The following DAB1 variants were observed in gnomAD, a reference collection of about 807,000 sequenced individuals.
The protein encoded by DAB1 is disabled homolog 1.
Under a neutral mutation model 64.6 loss-of-function variants are expected in DAB1, and 15 were observed. The ratio of observed to expected loss-of-function variants is 0.23; its 90% CI spans 0.16 to 0.36. The LOEUF (loss-of-function observed/expected upper bound fraction) is 0.36, where lower values mean the gene tolerates loss of function less well. Among genes scored for constraint, DAB1 ranks in the 10% least tolerant of loss-of-function variants. The pLI is 1.00. For missense variants in DAB1, 596 were observed against 706.7 expected (o/e 0.84, Z 1.78); for synonymous variants, 235 against 251.9 (o/e 0.93, Z 0.64).
chr1:58,501,698 T>G (rs998588273), intron 3 of DAB1, among the ~76,000 whole-genome samples: 4 of 152,170 alleles, frequency 2.6e-5, no homozygotes, highest in Admixed American at 1.3e-4. Flanking sequence ...TACACTGCTA[T>G]TCCTGCACCC....
chr1:57,271,577 C>A (rs1240707349), intron 2 of DAB1, among the ~76,000 whole-genome samples: 2 of 152,118 alleles, frequency 1.3e-5, no homozygotes, highest in Non-Finnish European at 2.9e-5. Context: ...CCATCCCTGC[C>A]CTCAGGGGAC....
intron 5 of DAB1, among the ~76,000 whole-genome samples, chr1:57,891,392 G>T (rs766698510): frequency 2.6e-5 from 4 of 152,160 alleles, no homozygotes; most frequent in Admixed American, 6.5e-5. Flanking sequence ...AAATAGGAAC[G>T]CTTTCACACT....
chr1:57,106,132 G>T (rs1655114898), intron 4 of DAB1, among the ~76,000 whole-genome samples: 1 of 152,114 alleles, frequency 6.6e-6, no homozygotes, highest in African/African-American at 2.4e-5. Context: ...TTTCTCTTAG[G>T]CAACGATAAT....
rs369371253 is a variant in DAB1 at position 57,104,341 on chromosome 1, GA to G, written c.307-31928del. 4.0e-3 allele frequency among the ~76,000 whole-genome samples: 581 copies of G among 145,264 alleles called. 1 individual carries two copies. The highest frequency in any genetic ancestry group is 0.014 in the Middle Eastern group (4 of 284). ...CCACGTCTTGGTTGATGATGAATTG[GA>G]AAAAAAAAAACTAGTCCTTCACCAC... On this transcript the variant is annotated intron_variant, in intron 4 of 14. Coordinates refer to ENST00000371236, the MANE Select transcript of DAB1 (RefSeq NM_001365792.1).
chr1:57,203,875 A>G (rs1201366794), intron 2 of DAB1, among the ~76,000 whole-genome samples: 1 of 152,018 alleles, frequency 6.6e-6, no homozygotes, highest in Non-Finnish European at 1.5e-5. Context: ...TTCTTAGTGT[A>G]GTGTTTTTTG....
intron 6 of DAB1, among the ~76,000 whole-genome samples, chr1:57,773,346 C>A (rs1302396979): frequency 7.3e-6 from 1 of 137,124 alleles, no homozygotes; most frequent in Non-Finnish European, 1.5e-5. Context: ...GAGTTGTATA[C>A]ACACACACAC....
At chr1:57,652,703 T>G (rs2101657168) in intron 6 of DAB1, among the ~76,000 whole-genome samples, 1 of 152,234 alleles carries the variant, frequency 6.6e-6, no homozygotes, top group East Asian at 1.9e-4. Flanking sequence ...ATTTGTAAAT[T>G]TTGATCTTTT....
At chr1:57,025,660 C>A (rs1324840707) in intron 10 of DAB1, among the ~76,000 whole-genome samples, 1 of 152,186 alleles carries the variant, frequency 6.6e-6, no homozygotes, top group Non-Finnish European at 1.5e-5. Context: ...CCCTTGTAGT[C>A]AGGAAGCACA....
intron 5 of DAB1, among the ~76,000 whole-genome samples, chr1:57,971,319 T>G (rs3991048): frequency 0.31 from 46,628 of 152,192 alleles, 8,732 homozygotes; most frequent in Admixed American, 0.43. Flanking sequence ...TGAGCTGAAA[T>G]GGGCAGACTT....
intron 5 of DAB1, among the ~76,000 whole-genome samples, chr1:58,126,608 TA>T (rs1356328390): frequency 2.2e-4 from 8 of 36,886 alleles, no homozygotes; most frequent in African/African-American, 4.0e-4. Flanking sequence ...CCTCCCCCCC[TA>T]CCCCCCACCC....
intron 4 of DAB1, among the ~76,000 whole-genome samples, chr1:57,092,971 G>GA (rs1324854210): frequency 6.6e-6 from 1 of 152,142 alleles, no homozygotes; most frequent in African/African-American, 2.4e-5. Context: ...TTGAGAAGGC[G>GA]ATGGAAGAGG....
At chr1:57,890,460 T>TC (rs1390072081) in intron 5 of DAB1, among the ~76,000 whole-genome samples, 8 of 150,858 alleles carry the variant, frequency 5.3e-5, no homozygotes, top group African/African-American at 1.7e-4. Context: ...TCTTTTCTTT[T>TC]TTTTTTTTTT....
chr1:58,513,600 A>T (rs1458033865), intron 2 of DAB1, among the ~76,000 whole-genome samples: 3 of 152,216 alleles, frequency 2.0e-5, no homozygotes, highest in Non-Finnish European at 1.5e-5. Context: ...CTTTGGTCCT[A>T]GAATATTTTT....
intron 7 of DAB1, among the ~76,000 whole-genome samples, chr1:57,493,062 C>T (rs1435395607): frequency 1.3e-5 from 2 of 152,020 alleles, no homozygotes; most frequent in East Asian, 3.9e-4. Flanking sequence ...CATAGCAGCC[C>T]GCCTCCCCCA....
chr1:57,694,733 A>G (rs1646803790), intron 6 of DAB1, among the ~76,000 whole-genome samples: 1 of 152,150 alleles, frequency 6.6e-6, no homozygotes, highest in Non-Finnish European at 1.5e-5. Context: ...TTCCGTAAGT[A>G]TCAGAAAGGT....
intron 6 of DAB1, among the ~76,000 whole-genome samples, chr1:57,665,625 T>G (rs989239421): frequency 6.6e-6 from 1 of 152,152 alleles, no homozygotes; most frequent in African/African-American, 2.4e-5. Flanking sequence ...GGGGAGATAG[T>G]GACATTTTCA....
At chr1:57,039,066 G>T (rs1418303292) in intron 9 of DAB1, among the ~76,000 whole-genome samples, 1 of 152,212 alleles carries the variant, frequency 6.6e-6, no homozygotes, top group African/African-American at 2.4e-5. Context: ...TTTAAAGTGA[G>T]AAATGTGATG....
chr1:57,033,503 G>A, intron 9 of DAB1: 1 of 1,612,802 alleles, frequency 6.2e-7, no homozygotes, highest in Non-Finnish European at 8.5e-7. Flanking sequence ...CAGTTAACCA[G>A]AGAGGGCTGT....
chr1:57,878,172 T>G (rs1644083896), intron 1 of DAB1: 1 of 152,228 alleles, frequency 6.6e-6, no homozygotes, highest in Non-Finnish European at 1.5e-5. Context: ...ATTATTTAAG[T>G]GTGAAGAACT....
Sources: gnomAD v4.1 joint callset for allele counts (sites outside exome capture counted in the v4.1 genomes callset) on GRCh38, gnomAD v4.1.1 for gene constraint, MANE v1.5 for transcripts, NCBI Gene and HGNC (gene_info 2026-07-23, HGNC 2026-07-21) for gene names.